Variants in THRAP3 observed in about 807,000 individuals in gnomAD.
THRAP3 encodes the protein thyroid hormone receptor associated protein 3, also known as thyroid hormone receptor-associated protein 3.
A neutral mutation model predicts 101.0 loss-of-function variants in THRAP3; 16 were observed. The ratio of observed to expected loss-of-function variants is 0.16; its 90% CI spans 0.11 to 0.24. The LOEUF (loss-of-function observed/expected upper bound fraction) is 0.24, where lower values mean the gene tolerates loss of function less well. Ranked by LOEUF, THRAP3 falls within the 10% of genes least tolerant of loss-of-function variation. The probability of loss-of-function intolerance (pLI) is 1.00; values close to 1 mark genes in which losing one functional copy is unlikely to be tolerated. For synonymous variants in THRAP3, 407 were observed against 422.6 expected (o/e 0.96, Z 0.45); for missense variants, 989 against 1,202.7 (o/e 0.82, Z 2.63).
intron 1 of THRAP3, among the ~76,000 whole-genome samples, chr1:36,241,741 G>A (rs1430325441): frequency 2.0e-5 from 3 of 151,826 alleles, no homozygotes; most frequent in South Asian, 4.1e-4. Context: ...ACCATGCCTG[G>A]CTAATTTTTG....
In THRAP3 at chr1:36,268,744, C is replaced by T. The variant is rs1370617557; in HGVS notation, c.-32+9260C>T. Among the ~76,000 whole-genome samples, 5 of 148,752 alleles carry T rather than the reference C, an allele frequency of 3.4e-5. No homozygotes were observed. The South Asian group carries it at 8.6e-4, about 25-fold the overall frequency. The stretch of plus-strand genomic sequence containing the variant: ...GTTAATTTTTTTTTTTTTTTTGAGA[C>T]GGAGTCTCGCTCTATCTGTCACCCA... On this transcript the variant is annotated intron_variant, in intron 2 of 11. Coordinates refer to ENST00000354618, the MANE Select transcript of THRAP3 (RefSeq NM_005119.4).
chr1:36,221,186 CAA>C (rs769615426), upstream of THRAP3, among the ~76,000 whole-genome samples: 49 of 45,316 alleles, frequency 1.1e-3, no homozygotes, highest in Middle Eastern at 0.013. Context: ...GACCCTATCT[CAA>C]AAAAAAAAAA....
intron 1 of THRAP3, among the ~76,000 whole-genome samples, chr1:36,230,938 TTA>T (rs1037672082): frequency 2.0e-5 from 3 of 152,200 alleles, no homozygotes; most frequent in African/African-American, 7.2e-5. Context: ...CAACCATCTT[TTA>T]TAGTTGGGGC....
At chr1:36,285,567 A>T (rs182577347) in intron 3 of THRAP3, among the ~76,000 whole-genome samples, 1 of 152,150 alleles carries the variant, frequency 6.6e-6, no homozygotes, top group Non-Finnish European at 1.5e-5. Flanking sequence ...TTCTGTGCAC[A>T]CCGGGGTGGG....
At chr1:36,213,740 A>G in the THRAP3 span, among the ~76,000 whole-genome samples, 1 of 151,520 alleles carries the variant, frequency 6.6e-6, no homozygotes, top group Non-Finnish European at 1.5e-5. Context: ...CCAGCTGCTC[A>G]GGAGGCTGAG....
chr1:36,264,962 G>C (rs1570289541), intron 2 of THRAP3, among the ~76,000 whole-genome samples: 1 of 152,030 alleles, frequency 6.6e-6, no homozygotes, highest in African/African-American at 2.4e-5. Context: ...TCTGTTCCAG[G>C]CCCCTCTCCT....
chr1:36,281,954 T>A (rs1645737046), intron 2 of THRAP3, among the ~76,000 whole-genome samples: 1 of 152,076 alleles, frequency 6.6e-6, no homozygotes, highest in South Asian at 2.1e-4. Context: ...ATGCTTGTAA[T>A]CCCAGCTACT....
intron 2 of THRAP3, among the ~76,000 whole-genome samples, chr1:36,270,583 T>G (rs1327854608): frequency 2.9e-5 from 4 of 137,366 alleles, no homozygotes; most frequent in African/African-American, 1.0e-4. Flanking sequence ...TTTTGTTTTT[T>G]TTTTTTTTTT....
At chr1:36,299,179 G>T (rs1455640908) in intron 9 of THRAP3, among the ~76,000 whole-genome samples, 2 of 151,826 alleles carry the variant, frequency 1.3e-5, no homozygotes, top group African/African-American at 4.8e-5. Flanking sequence ...GGTGGCTCAC[G>T]CCTGTAATCC....
At chr1:36,245,969 A>C (rs1312745237) in intron 1 of THRAP3, among the ~76,000 whole-genome samples, 1 of 152,236 alleles carries the variant, frequency 6.6e-6, no homozygotes, top group African/African-American at 2.4e-5. Context: ...TTCTAAGTAC[A>C]TTCCATGTAT....
intron 1 of THRAP3, among the ~76,000 whole-genome samples, chr1:36,252,383 C>T (rs1223826357): frequency 6.6e-6 from 1 of 152,132 alleles, no homozygotes; most frequent in African/African-American, 2.4e-5. Flanking sequence ...CCTTGGCCTC[C>T]CAAAGTATAT....
At chr1:36,240,633 C>T (rs1645143794) in intron 1 of THRAP3, among the ~76,000 whole-genome samples, 2 of 152,178 alleles carry the variant, frequency 1.3e-5, no homozygotes, top group Non-Finnish European at 2.9e-5. Flanking sequence ...TATAGCTATT[C>T]CTCTGTCCAG....
intron 1 of THRAP3, among the ~76,000 whole-genome samples, chr1:36,227,273 A>C (rs1351351957): frequency 6.6e-6 from 1 of 152,096 alleles, no homozygotes; most frequent in South Asian, 2.1e-4. Context: ...ATACATATAT[A>C]ACATTATTTA....
intron 9 of THRAP3, among the ~76,000 whole-genome samples, 171 bp downstream of exon 9, chr1:36,296,941 T>G (rs904853228): frequency 3.9e-5 from 6 of 152,166 alleles, no homozygotes; most frequent in Admixed American, 3.9e-4. Context: ...TGAAAACAAT[T>G]TCTACATCAA....
intron 1 of THRAP3, among the ~76,000 whole-genome samples, chr1:36,249,794 G>C (rs1645277009): frequency 6.6e-6 from 1 of 151,826 alleles, no homozygotes; most frequent in Admixed American, 6.6e-5. Context: ...ATGTCTAATG[G>C]TGTGGAACAG....
intron 1 of THRAP3, among the ~76,000 whole-genome samples, chr1:36,241,257 A>G (rs1645153152): frequency 1.3e-5 from 2 of 150,578 alleles, no homozygotes; most frequent in African/African-American, 4.9e-5. Context: ...GACACCTCTC[A>G]CCACACTTGT....
chr1:36,301,120 C>A, intron 10 of THRAP3, 36 bp downstream of exon 10: 1 of 1,595,238 alleles, frequency 6.3e-7, no homozygotes. Flanking sequence ...CTCTGAGACC[C>A]TTGCTCCTAC....
At chr1:36,256,603 G>A (rs1025549947) in intron 1 of THRAP3, among the ~76,000 whole-genome samples, 4 of 152,110 alleles carry the variant, frequency 2.6e-5, no homozygotes, top group Non-Finnish European at 5.9e-5. Flanking sequence ...ACGCAGCAGC[G>A]AGCATGTATC....
chr1:36,232,038 GA>G (rs1277212306), intron 1 of THRAP3, among the ~76,000 whole-genome samples: 2 of 151,924 alleles, frequency 1.3e-5, no homozygotes, highest in Non-Finnish European at 2.9e-5. Context: ...CCAACATGGC[GA>G]AACCCATCTC....
Sources: gnomAD v4.1 joint callset for allele counts (sites outside exome capture counted in the v4.1 genomes callset) on GRCh38, gnomAD v4.1.1 for gene constraint, MANE v1.5 for transcripts, NCBI Gene and HGNC (gene_info 2026-07-23, HGNC 2026-07-21) for gene names.